The following NBEA variants were observed in gnomAD, a reference collection of about 807,000 sequenced individuals.
The protein encoded by NBEA is lysosomal-trafficking regulator 2.
Under a neutral mutation model 343.4 loss-of-function variants are expected in NBEA, and 44 were observed. That is an observed-to-expected ratio of 0.13 (90% CI 0.10 to 0.16). NBEA has a LOEUF of 0.16. Among genes scored for constraint, NBEA ranks in the 10% least tolerant of loss-of-function variants. The pLI is 1.00. For missense variants in NBEA, 2,555 were observed against 3,631.3 expected, an observed-to-expected ratio of 0.70 and a Z score of 7.62; for synonymous variants, 1,175 against 1,238.7, an observed-to-expected ratio of 0.95 and a Z score of 1.08.
intron 48 of NBEA, among the ~76,000 whole-genome samples, chr13:35,624,169 T>C (rs866463227): frequency 1.3e-5 from 2 of 151,958 alleles, no homozygotes; most frequent in Admixed American, 1.3e-4. Context: ...TTTTACATAG[T>C]TCTTAAGGCT....
intron 18 of NBEA, among the ~76,000 whole-genome samples, chr13:35,151,695 A>G (rs901718277): frequency 2.0e-5 from 3 of 152,108 alleles, no homozygotes; most frequent in African/African-American, 7.2e-5. Context: ...TAGTTTTCTG[A>G]GGTGAATTTA....
chr13:35,138,209 G>A (rs1448828753), intron 17 of NBEA, among the ~76,000 whole-genome samples: 2 of 151,752 alleles, frequency 1.3e-5, no homozygotes, highest in Non-Finnish European at 2.9e-5. Flanking sequence ...TAATACATAG[G>A]GTTGGTAAAA....
chr13:35,095,741 C>A (rs1359136074), intron 10 of NBEA, among the ~76,000 whole-genome samples: 1 of 151,910 alleles, frequency 6.6e-6, no homozygotes, highest in Non-Finnish European at 1.5e-5. Context: ...TATATCATGA[C>A]ATAATAATCA....
intron 44 of NBEA, among the ~76,000 whole-genome samples, chr13:35,556,084 T>G (rs929149842): frequency 2.4e-4 from 37 of 152,140 alleles, no homozygotes; most frequent in African/African-American, 7.9e-4. Flanking sequence ...GCTTTTTCAC[T>G]TTAATCCCAA....
intron 45 of NBEA, among the ~76,000 whole-genome samples, chr13:35,568,025 G>A (rs1266926191): frequency 6.6e-6 from 1 of 152,082 alleles, no homozygotes; most frequent in Non-Finnish European, 1.5e-5. Flanking sequence ...TTTGTAATAT[G>A]AGAATAATAA....
At chr13:35,177,188 A>C (rs978688963) in intron 28 of NBEA, 85 bp downstream of exon 28, 1 of 1,000,192 alleles carries the variant, frequency 1.0e-6, no homozygotes, top group African/African-American at 1.6e-5. Flanking sequence ...GCTGCTTATG[A>C]AAACGACATT....
Position 35,041,003 on chromosome 13 carries a change from C to T in NBEA, c.365C>T (p.Thr122Ile), listed in dbSNP as rs757906490. The T allele has an allele frequency of 6.2e-7, 1 of 1,612,992 alleles. No individual in the cohort carries two copies. The highest frequency in any genetic ancestry group is 8.5e-7 in the Non-Finnish European group (1 of 1,179,418). Reference protein sequence around the residue: ...IQDAESITCMTELLEHCDVTC... With the variant: ...IQDAESITCMIELLEHCDVTC... Reference sequence around the variant, plus strand: ...GATGCTGAGAGTATAACATGTATGACAGAGCTTTTGGAGCACTGTGATGTA... The same window carrying T: ...GATGCTGAGAGTATAACATGTATGATAGAGCTTTTGGAGCACTGTGATGTA... Residue 122 changes from threonine to isoleucine, a missense_variant, in exon 2 of 59, where the codon ACA (threonine) becomes ATA (isoleucine). Physicochemically the swap from Thr to Ile is moderately conservative, Grantham distance 89. Coordinates refer to ENST00000379939, the MANE Select transcript of NBEA (RefSeq NM_001385012.1).
At chr13:35,122,585 G>T (rs552359432) in intron 16 of NBEA, among the ~76,000 whole-genome samples, 1 of 133,700 alleles carries the variant, frequency 7.5e-6, no homozygotes, top group East Asian at 2.7e-4. Context: ...TCGGGGGAGG[G>T]GGGAGGGATA....
intron 8 of NBEA, among the ~76,000 whole-genome samples, chr13:35,069,643 G>A (rs111891886): frequency 5.3e-5 from 8 of 152,020 alleles, no homozygotes; most frequent in Non-Finnish European, 1.0e-4. Context: ...TATCAGGTTT[G>A]ATATTTTTTC....
chr13:35,505,212 G>A (rs1379752955), intron 41 of NBEA, among the ~76,000 whole-genome samples: 1 of 151,944 alleles, frequency 6.6e-6, no homozygotes, highest in Non-Finnish European at 1.5e-5. Context: ...CCAACATTGA[G>A]GTAAAAACTG....
intron 35 of NBEA, among the ~76,000 whole-genome samples, chr13:35,303,118 A>G (rs1366023941): frequency 6.6e-6 from 1 of 152,164 alleles, no homozygotes; most frequent in Non-Finnish European, 1.5e-5. Flanking sequence ...GAGGAGAACA[A>G]AAAAATCTTC....
intron 1 of NBEA, among the ~76,000 whole-genome samples, chr13:34,997,054 G>A (rs927645722): frequency 1.3e-4 from 19 of 151,992 alleles, no homozygotes; most frequent in Admixed American, 3.3e-4. Flanking sequence ...TAGGGATTCC[G>A]TGATTGCCAA....
intron 36 of NBEA, among the ~76,000 whole-genome samples, chr13:35,338,991 T>G (rs1379455200): frequency 6.6e-6 from 1 of 152,052 alleles, no homozygotes; most frequent in African/African-American, 2.4e-5. Flanking sequence ...GAAGGAAGCT[T>G]TCTCAGTCTG....
intron 33 of NBEA, among the ~76,000 whole-genome samples, chr13:35,211,814 C>G (rs2073792401): frequency 6.6e-6 from 1 of 151,892 alleles, no homozygotes; most frequent in South Asian, 2.1e-4. Flanking sequence ...AGTGAGACTG[C>G]ATCTCAAATA....
intron 48 of NBEA, among the ~76,000 whole-genome samples, chr13:35,615,491 G>GCACCAC (rs1364032221): frequency 6.6e-6 from 1 of 151,936 alleles, no homozygotes; most frequent in African/African-American, 2.4e-5. Flanking sequence ...TTATAGGCAT[G>GCACCAC]CACCACCACG....
intron 41 of NBEA, among the ~76,000 whole-genome samples, chr13:35,487,616 C>T (rs2076348774): frequency 6.6e-6 from 1 of 151,754 alleles, no homozygotes; most frequent in African/African-American, 2.4e-5. Context: ...AAACTTACTA[C>T]CTACTCAGAT....
intron 38 of NBEA, among the ~76,000 whole-genome samples, chr13:35,428,817 G>C (rs1012039721): frequency 2.4e-4 from 37 of 152,166 alleles, no homozygotes; most frequent in African/African-American, 8.4e-4. Flanking sequence ...TTTTTTCTGA[G>C]ATAATTTATT....
At chr13:35,284,244 G>T (rs370427974) in intron 34 of NBEA, among the ~76,000 whole-genome samples, 2 of 152,182 alleles carry the variant, frequency 1.3e-5, no homozygotes, top group Non-Finnish European at 1.5e-5. Flanking sequence ...AGAAACTTAC[G>T]TTTTGTTCCT....
chr13:35,602,955 G>A (rs1209732055), intron 47 of NBEA, among the ~76,000 whole-genome samples: 4 of 152,142 alleles, frequency 2.6e-5, no homozygotes. Context: ...CACTTTTGCA[G>A]TTTGAGAACA....
Sources: gnomAD v4.1 joint callset for allele counts (sites outside exome capture counted in the v4.1 genomes callset) on GRCh38, gnomAD v4.1.1 for gene constraint, MANE v1.5 for transcripts, NCBI Gene and HGNC (gene_info 2026-07-23, HGNC 2026-07-21) for gene names.